ATP8A2: variants seen among roughly 807,000 people sequenced by gnomAD.
ATP8A2 encodes ATPase phospholipid transporting 8A2.
In ATP8A2, 100 loss-of-function variants were observed where a neutral mutation model predicts 165.6. The ratio of observed to expected loss-of-function variants is 0.60; its 90% CI spans 0.51 to 0.71. The LOEUF (loss-of-function observed/expected upper bound fraction) is 0.71. Among genes scored for constraint, ATP8A2 ranks in the 30% least tolerant of loss-of-function variants. ATP8A2 has a pLI of 0.00. For missense variants in ATP8A2, 1,227 were observed against 1,479.5 expected (o/e 0.83, Z 2.80); for synonymous variants, 543 against 548.8 (o/e 0.99, Z 0.15).
Position 25,607,621 on chromosome 13 carries a change from C to G in ATP8A2, c.2211+17922C>G, listed in dbSNP as rs375543656. Among the ~76,000 whole-genome samples, 58 of 152,242 alleles carry G rather than the reference C, an allele frequency of 3.8e-4. No individual in the cohort carries two copies. In the South Asian group the frequency reaches 8.3e-3, roughly 22 times the overall value. On this transcript the variant is annotated intron_variant, in intron 24 of 36. Coordinates refer to ENST00000381655, the MANE Select transcript of ATP8A2 (RefSeq NM_016529.6). ...GTTCTTTACCAAAAGTTTAGTGACC[C>G]CCTGCCCTGTGTAATCAGATGGAAA...
intron 27 of ATP8A2, among the ~76,000 whole-genome samples, chr13:25,798,822 G>A (rs1469055287): frequency 6.6e-6 from 1 of 152,068 alleles, no homozygotes; most frequent in Admixed American, 6.6e-5. Context: ...GGGAGGCAAA[G>A]CTTTACCTCT....
At chr13:25,935,070 T>A (rs1360609515) in intron 33 of ATP8A2, among the ~76,000 whole-genome samples, 1 of 152,314 alleles carries the variant, frequency 6.6e-6, no homozygotes, top group East Asian at 1.9e-4. Flanking sequence ...ATGTAAAACA[T>A]TGGATGTCCA....
chr13:25,674,291 G>A (rs56410871), intron 24 of ATP8A2, among the ~76,000 whole-genome samples: 7,654 of 151,320 alleles, frequency 0.051, 645 homozygotes, highest in African/African-American at 0.18. Context: ...AAATCTATAA[G>A]GACCTTTGGC....
chr13:25,562,525 T>A (rs1210642978), intron 15 of ATP8A2, among the ~76,000 whole-genome samples: 1 of 152,214 alleles, frequency 6.6e-6, no homozygotes, highest in African/African-American at 2.4e-5. Context: ...TATTAAGGGA[T>A]CCCTAGATGT....
intron 2 of ATP8A2, among the ~76,000 whole-genome samples, chr13:25,518,192 G>A (rs945846624): frequency 2.0e-5 from 3 of 152,238 alleles, no homozygotes; most frequent in Non-Finnish European, 4.4e-5. Context: ...TTAATGTTTA[G>A]TGTTATCATC....
chr13:25,859,759 G>C (rs908398562), intron 30 of ATP8A2, among the ~76,000 whole-genome samples: 2 of 152,124 alleles, frequency 1.3e-5, no homozygotes, highest in Non-Finnish European at 2.9e-5. Flanking sequence ...GGTTTAATAT[G>C]CATGTAGTTA....
At chr13:25,622,298 A>G (rs970128102) in intron 24 of ATP8A2, among the ~76,000 whole-genome samples, 1 of 152,142 alleles carries the variant, frequency 6.6e-6, no homozygotes, top group Non-Finnish European at 1.5e-5. Flanking sequence ...GTAACTGCCA[A>G]ATTAGTTTCT....
chr13:25,646,500 A>G (rs1413444810), intron 24 of ATP8A2, among the ~76,000 whole-genome samples: 1 of 151,694 alleles, frequency 6.6e-6, no homozygotes, highest in Non-Finnish European at 1.5e-5. Context: ...CTAAAAATAC[A>G]AAAAAATTAG....
intron 34 of ATP8A2, among the ~76,000 whole-genome samples, chr13:25,967,531 C>A (rs1459173947): frequency 6.6e-6 from 1 of 152,144 alleles, no homozygotes; most frequent in Non-Finnish European, 1.5e-5. Flanking sequence ...CATTTCTGGG[C>A]AAAGGTGCTC....
chr13:25,761,476 G>A (rs897236251), intron 25 of ATP8A2, among the ~76,000 whole-genome samples: 2 of 152,092 alleles, frequency 1.3e-5, no homozygotes, highest in African/African-American at 4.8e-5. Flanking sequence ...TGCACAAAGA[G>A]CAAATAGGTG....
intron 2 of ATP8A2, among the ~76,000 whole-genome samples, chr13:25,497,295 A>T (rs1045561440): frequency 6.6e-6 from 1 of 152,224 alleles, no homozygotes; most frequent in Non-Finnish European, 1.5e-5. Flanking sequence ...CACATTTTAG[A>T]CTGAGTTAAA....
At chr13:25,787,746 G>A (rs2138386967) in intron 27 of ATP8A2, among the ~76,000 whole-genome samples, 1 of 152,338 alleles carries the variant, frequency 6.6e-6, no homozygotes, top group African/African-American at 2.4e-5. Flanking sequence ...TCCGGCATAG[G>A]TGTCCCATGG....
chr13:25,376,034 A>C (rs567650857), intron 1 of ATP8A2, among the ~76,000 whole-genome samples: 61 of 152,320 alleles, frequency 4.0e-4, no homozygotes, highest in African/African-American at 1.4e-3. Context: ...AGGGCAGCTG[A>C]AAATACAAGC....
chr13:25,531,316 G>GA (rs2038067513), intron 4 of ATP8A2, among the ~76,000 whole-genome samples: 1 of 118,606 alleles, frequency 8.4e-6, no homozygotes, highest in African/African-American at 3.4e-5. Context: ...TGATATATAT[G>GA]TTATATATGA....
At chr13:25,867,420 G>T (rs1347243544) in intron 33 of ATP8A2, among the ~76,000 whole-genome samples, 2 of 152,184 alleles carry the variant, frequency 1.3e-5, no homozygotes, top group Non-Finnish European at 2.9e-5. Flanking sequence ...TTGGGGTGAT[G>T]TCAAGTAGGT....
intron 27 of ATP8A2, among the ~76,000 whole-genome samples, chr13:25,815,800 G>T (rs1197426616): frequency 6.6e-6 from 1 of 152,060 alleles, no homozygotes; most frequent in Non-Finnish European, 1.5e-5. Context: ...TCCATGTATG[G>T]GTGAATGAAT....
chr13:25,411,675 A>G (rs1251557858), intron 1 of ATP8A2, among the ~76,000 whole-genome samples: 2 of 152,222 alleles, frequency 1.3e-5, no homozygotes, highest in Non-Finnish European at 2.9e-5. Context: ...TTATGTTAAA[A>G]AGTGCATGTT....
At chr13:25,987,027 G>T (rs117032973) in intron 35 of ATP8A2, among the ~76,000 whole-genome samples, 56 of 152,244 alleles carry the variant, frequency 3.7e-4, no homozygotes, top group Non-Finnish European at 5.7e-4. Context: ...CTAGAGATAG[G>T]CCAAGTAATA....
intron 35 of ATP8A2, 63 bp from the exon 36 acceptor site, chr13:26,012,467 CT>C: frequency 7.4e-7 from 1 of 1,348,526 alleles, no homozygotes; most frequent in Non-Finnish European, 1.0e-6. Context: ...CCCCTTCTGT[CT>C]GTCTCCTTGT....
Sources: gnomAD v4.1 joint callset for allele counts (sites outside exome capture counted in the v4.1 genomes callset) on GRCh38, gnomAD v4.1.1 for gene constraint, MANE v1.5 for transcripts, NCBI Gene and HGNC (gene_info 2026-07-23, HGNC 2026-07-21) for gene names.